Variants in SPATA16 observed in about 807,000 individuals in gnomAD.
The protein encoded by SPATA16 is spermatogenesis-associated protein 16.
A neutral mutation model predicts 63.3 loss-of-function variants in SPATA16; 36 were observed. That is an observed-to-expected ratio of 0.57 (90% CI 0.44 to 0.75). The LOEUF is 0.75. Among genes scored for constraint, SPATA16 ranks in the 30% least tolerant of loss-of-function variants. The pLI, the probability that SPATA16 is intolerant of heterozygous loss-of-function variation, is 0.00. For missense variants in SPATA16, 646 were observed against 679.3 expected (o/e 0.95, Z 0.54); for synonymous variants, 203 against 216.7 (o/e 0.94, Z 0.56).
chr3:173,075,053 A>C (rs1235329104), intron 2 of SPATA16, among the ~76,000 whole-genome samples: 3 of 151,366 alleles, frequency 2.0e-5, no homozygotes, highest in Admixed American at 2.0e-4. Context: ...TTTGAGTACT[A>C]TGCTATTTGG....
At chr3:172,984,670 T>A (rs1283781370) in intron 4 of SPATA16, among the ~76,000 whole-genome samples, 2 of 152,240 alleles carry the variant, frequency 1.3e-5, no homozygotes, top group Non-Finnish European at 2.9e-5. Context: ...GCCTTGATTA[T>A]AATTCCAGAT....
intron 5 of SPATA16, among the ~76,000 whole-genome samples, chr3:172,960,156 A>T (rs1344956847): frequency 6.6e-6 from 1 of 152,206 alleles, no homozygotes; most frequent in East Asian, 1.9e-4. Flanking sequence ...AAAGGAAGAG[A>T]CCAGACAAGG....
rs1737947069 is a variant in SPATA16 at position 173,117,724 on chromosome 3, G to A, written c.8C>T (p.Ala3Val). Residue 3 changes from alanine (A) to valine (V), a missense_variant, in exon 2 of 11, where the codon GCA becomes GTA. Physicochemically the swap from Ala to Val is moderately conservative, Grantham distance 64. Transcript: ENST00000351008. MD[A>V]GSSRSLENAV... is the part of the protein sequence containing the mutation. ...ATTCTCCAAACTCCTACTGCTTCCT[G>A]CATCCATCGATCCTGCCCAAAACTC... 1.2e-6 allele frequency: 2 copies of A among 1,613,932 alleles called. No homozygotes were observed. Among genetic ancestry groups the A allele is most frequent in the Non-Finnish European group, 1.7e-6 (2 of 1,179,994 alleles).
rs138668608 is a variant in SPATA16 at position 173,071,855 on chromosome 3, C to T, written c.613-22761G>A. ...ATCATCAAAGAAATGCAAATAGAAA[C>T]GTTAATGAAATGCCATCTCACACTA... On this transcript the variant is annotated intron_variant, in intron 2 of 10. Transcript: ENST00000351008. Among the ~76,000 whole-genome samples the T allele has an allele frequency of 4.3e-3, 647 of 152,152 alleles. 8 individuals carry two copies. Among genetic ancestry groups the T allele is most frequent in the African/African-American group, 0.015 (613 of 41,510 alleles).
At chr3:173,029,444 G>A (rs1248988087) in intron 3 of SPATA16, among the ~76,000 whole-genome samples, 1 of 136,744 alleles carries the variant, frequency 7.3e-6, no homozygotes. Flanking sequence ...TTGTTTGTTT[G>A]TTTGTTTTAC....
At chr3:172,991,055 T>C (rs1463959765) in intron 4 of SPATA16, among the ~76,000 whole-genome samples, 1 of 152,142 alleles carries the variant, frequency 6.6e-6, no homozygotes. Context: ...CCCACACTCT[T>C]GATCCCATGC....
At chr3:172,908,834 T>G (rs2109556028) in intron 10 of SPATA16, among the ~76,000 whole-genome samples, 1 of 151,964 alleles carries the variant, frequency 6.6e-6, no homozygotes, top group South Asian at 2.1e-4. Flanking sequence ...CTTGTACAAT[T>G]AGGTTTTTTT....
At chr3:173,082,909 A>G (rs752741492) in intron 2 of SPATA16, among the ~76,000 whole-genome samples, 1 of 152,140 alleles carries the variant, frequency 6.6e-6, no homozygotes, top group Non-Finnish European at 1.5e-5. Flanking sequence ...TTTAAGCCCC[A>G]TATGGGCAAG....
At chr3:173,079,010 AC>A (rs1321914225) in intron 2 of SPATA16, among the ~76,000 whole-genome samples, 2 of 152,166 alleles carry the variant, frequency 1.3e-5, no homozygotes, top group African/African-American at 4.8e-5. Context: ...TGCAGTATAA[AC>A]CCATTTTTGA....
At position 173,043,998 on chromosome 3, in the gene SPATA16, G is replaced by A. The variant is rs139627624; in HGVS notation, c.758+4951C>T. The stretch of plus-strand genomic sequence containing the variant: ...TATCATTGTTCCTCCTGTGTAATGC[G>A]TTGTTTTTCTTTGGCTGCCTTTAAT... On this transcript the variant is annotated intron_variant, in intron 3 of 10. Transcript: ENST00000351008. Among the ~76,000 whole-genome samples, 300 of 152,100 alleles carry A rather than the reference G, an allele frequency of 2.0e-3. 2 individuals carry two copies. The highest frequency in any genetic ancestry group is 2.6e-3 in the Non-Finnish European group (179 of 67,956).
At chr3:173,031,012 A>G (rs1457072866) in intron 3 of SPATA16, among the ~76,000 whole-genome samples, 1 of 152,070 alleles carries the variant, frequency 6.6e-6, no homozygotes, top group Non-Finnish European at 1.5e-5. Flanking sequence ...ATTTTCATTG[A>G]TGTACCTGGA....
chr3:172,894,672 C>T (rs548076366), intron 10 of SPATA16, among the ~76,000 whole-genome samples: 1 of 152,244 alleles, frequency 6.6e-6, no homozygotes, highest in African/African-American at 2.4e-5. Flanking sequence ...TGTTGAAATT[C>T]TAACTCCCAA....
chr3:172,963,952 A>G (rs777085673), intron 5 of SPATA16, among the ~76,000 whole-genome samples: 1 of 152,194 alleles, frequency 6.6e-6, no homozygotes, highest in Non-Finnish European at 1.5e-5. Flanking sequence ...TATAAGATCA[A>G]GTTTTGATTC....
intron 10 of SPATA16, among the ~76,000 whole-genome samples, chr3:172,906,863 T>G (rs923987625): frequency 6.6e-6 from 1 of 152,162 alleles, no homozygotes; most frequent in Non-Finnish European, 1.5e-5. Context: ...TGCCTCAGCC[T>G]CCCCAGTAGC....
intron 8 of SPATA16, among the ~76,000 whole-genome samples, chr3:172,922,214 G>A (rs1732628436): frequency 6.6e-6 from 1 of 151,320 alleles, no homozygotes; most frequent in South Asian, 2.1e-4. Context: ...TGATCCCTGG[G>A]CACTTTCAGG....
At chr3:173,035,761 T>C (rs1426528690) in intron 3 of SPATA16, among the ~76,000 whole-genome samples, 1 of 152,022 alleles carries the variant, frequency 6.6e-6, no homozygotes, top group African/African-American at 2.4e-5. Context: ...CTTGACATTT[T>C]CAGGGGGCTC....
chr3:172,978,824 C>T (rs1734227847), intron 4 of SPATA16, among the ~76,000 whole-genome samples: 2 of 152,144 alleles, frequency 1.3e-5, no homozygotes, highest in African/African-American at 2.4e-5. Flanking sequence ...AACCAATTAG[C>T]GTGGCTGTCT....
intron 2 of SPATA16, among the ~76,000 whole-genome samples, chr3:173,078,018 A>T (rs1262358219): frequency 6.6e-6 from 1 of 152,192 alleles, no homozygotes; most frequent in Non-Finnish European, 1.5e-5. Flanking sequence ...CTATAATATA[A>T]ACAATATTTT....
chr3:173,065,639 C>A (rs1203452059), intron 2 of SPATA16, among the ~76,000 whole-genome samples: 2 of 152,152 alleles, frequency 1.3e-5, no homozygotes, highest in African/African-American at 4.8e-5. Context: ...ATTGCCTACA[C>A]CACTCCTCCT....
Sources: allele counts gnomAD v4.1 joint callset (sites outside exome capture counted in the v4.1 genomes callset), GRCh38; gene constraint gnomAD v4.1.1; transcripts MANE v1.5; gene names NCBI Gene and HGNC (gene_info 2026-07-23, HGNC 2026-07-21).